ZNF142: variants seen among roughly 807,000 people sequenced by gnomAD.
The protein encoded by ZNF142 is zinc finger protein 142 (clone pHZ-49).
Under a neutral mutation model 132.1 loss-of-function variants are expected in ZNF142, and 96 were observed. The ratio of observed to expected loss-of-function variants is 0.73; its 90% CI spans 0.62 to 0.86. The LOEUF (loss-of-function observed/expected upper bound fraction) is 0.86, where lower values mean the gene tolerates loss of function less well. ZNF142 is among the 40% of genes least tolerant of loss of function. The pLI is 0.00. For missense variants in ZNF142, 2,163 were observed against 2,336.2 expected (o/e 0.93, Z 1.53); for synonymous variants, 842 against 890.1 (o/e 0.95, Z 0.96).
Position 218,633,419 on chromosome 2 carries a change from T to A in ZNF142, c.*4920A>T, listed in dbSNP as rs1225038093. 1.3e-6 allele frequency: 1 copy of A among 742,682 alleles called. No homozygotes were observed. Among genetic ancestry groups the A allele is most frequent in the Non-Finnish European group, 2.4e-6 (1 of 419,914 alleles). The allele number at this position is 742,682 out of a possible 1,614,324, so 46.0% of individuals were successfully genotyped here. ...GTGCCCGCTGTTTTGTCCGTCTATC[T>A]GTTGTCAGATTGTGGCCCAGGCTCC... On this transcript the variant is annotated 3_prime_UTR_variant, in exon 11 of 11. Coordinates refer to ENST00000411696, the MANE Select transcript of ZNF142 (RefSeq NM_001379659.1).
Position 218,636,150 on chromosome 2 carries a change from T to C in ZNF142, c.*2189A>G, listed in dbSNP as rs1262350033. ...TTTTTCCTTACCTGTAAAATGCTGA[T>C]TGCCATCTAGATTAAATGAGAACAC... On this transcript the variant is annotated 3_prime_UTR_variant, in exon 11 of 11. Coordinates refer to ENST00000411696, the MANE Select transcript of ZNF142 (RefSeq NM_001379659.1). 9 of 1,436,900 alleles carry C rather than the reference T, an allele frequency of 6.3e-6. No individual in the cohort carries two copies. Among genetic ancestry groups the C allele is most frequent in the African/African-American group, 2.8e-5 (2 of 71,044 alleles). The allele number at this position is 1,436,900 out of a possible 1,614,324, so 89.0% of individuals were successfully genotyped here. A position where few individuals can be genotyped will look rare whatever the true frequency, so the allele number is the denominator to read the frequency against.
chr2:218,643,646 G>C lies in ZNF142; in HGVS notation c.3470C>G (p.Ala1157Gly), dbSNP rs1559292026. 2 of 1,550,846 alleles carry C rather than the reference G, an allele frequency of 1.3e-6. No homozygotes were observed. Among genetic ancestry groups the C allele is most frequent in the South Asian group, 2.5e-5 (2 of 79,618 alleles). ...REPEETEEPL[A>G]TVSGSPVPPA... Reference sequence around the variant, plus strand: ...AGGGACTGGGGAACCAGAGACTGTGGCAAGAGGCTCTTCTGTTTCTTCTGG... The same window carrying C: ...AGGGACTGGGGAACCAGAGACTGTGCCAAGAGGCTCTTCTGTTTCTTCTGG... Residue 1157 changes from alanine to glycine, a missense_variant, in exon 9 of 11, where the codon GCC becomes GGC. Physicochemically the swap from Ala to Gly is moderately conservative, Grantham distance 60. This residue lies in a region of ZNF142 where 809 missense variants were observed against 801.7 expected (regional missense o/e 1.01). Coordinates refer to ENST00000411696, the MANE Select transcript of ZNF142 (RefSeq NM_001379659.1).
intron 6 of ZNF142, 103 bp from the exon 7 acceptor site, chr2:218,649,562 C>T (rs1937789638): frequency 2.6e-6 from 3 of 1,135,208 alleles, no homozygotes; most frequent in Non-Finnish European, 3.7e-6. Flanking sequence ...TGTGTGGCCT[C>T]TCTGCAGGAA....
chr2:218,643,476 C>G lies in ZNF142; in HGVS notation c.3640G>C (p.Glu1214Gln). Reference sequence around the variant, plus strand: ...TCAAAGCGGTGCTTCTTCAGGGCCTCTGTGGGTGAGGAGTTTCCTGCAGGA... The same window carrying G: ...TCAAAGCGGTGCTTCTTCAGGGCCTGTGTGGGTGAGGAGTTTCCTGCAGGA... Reference protein sequence around the residue: ...VPPAGNSSPTEALKKHRFEQG... With the variant: ...VPPAGNSSPTQALKKHRFEQG... The change falls in exon 9 of 11, where the codon GAG becomes CAG. Residue 1214 changes from glutamate (E) to glutamine (Q), a missense_variant. Around this residue, in one of 7 missense-constraint regions of ZNF142, gnomAD observed 809 missense variants for 801.7 expected, o/e 1.01. Coordinates refer to ENST00000411696, the MANE Select transcript of ZNF142 (RefSeq NM_001379659.1). 2 of 1,614,182 alleles carry G rather than the reference C, an allele frequency of 1.2e-6. No individual in the cohort carries two copies. The highest frequency in any genetic ancestry group is 1.7e-6 in the Non-Finnish European group (2 of 1,180,026).
chr2:218,643,728 A>C lies in ZNF142; in HGVS notation c.3388T>G (p.Ser1130Ala), dbSNP rs1347143460. The C allele has an allele frequency of 1.9e-6, 3 of 1,606,302 alleles. No individual in the cohort carries two copies. The highest frequency in any genetic ancestry group is 2.5e-6 in the Non-Finnish European group (3 of 1,176,886). ...DTESGKPPPA[S>A]QEAELLLPKD... ...GGAAGCAGTAGCTCTGCTTCTTGTG[A>C]TGCAGGTGGGGGCTTCCCACTTTCT... is the stretch of plus-strand genomic sequence containing the variant. Residue 1130 changes from serine (S) to alanine (A), a missense_variant, in exon 9 of 11, where the codon TCA (serine) becomes GCA (alanine). Ser to Ala is a moderately conservative substitution (Grantham distance 99, BLOSUM62 1). Coordinates refer to ENST00000411696, the MANE Select transcript of ZNF142 (RefSeq NM_001379659.1).
Position 218,636,657 on chromosome 2 carries a change from T to G in ZNF142, c.*1682A>C. 7.1e-7 allele frequency: 1 copy of G among 1,415,686 alleles called. No individual in the cohort carries two copies. Among genetic ancestry groups the G allele is most frequent in the Non-Finnish European group, 9.8e-7 (1 of 1,023,216 alleles). 87.7% of individuals were successfully genotyped at this position (1,415,686 alleles called of 1,614,324 possible). A position where few individuals can be genotyped will look rare whatever the true frequency, so the allele number is the denominator to read the frequency against. On this transcript the variant is annotated 3_prime_UTR_variant, in exon 11 of 11. Coordinates refer to ENST00000411696, the MANE Select transcript of ZNF142 (RefSeq NM_001379659.1). ...CTGGAAGGATGCTCGAGAGAACAAA[T>G]GGAGGTGGTGAAAATCAAGCTTTGG...
chr2:218,655,504 G>A (rs1454276267), intron 4 of ZNF142, among the ~76,000 whole-genome samples: 1 of 152,000 alleles, frequency 6.6e-6, no homozygotes, highest in Non-Finnish European at 1.5e-5. Flanking sequence ...AAGAGATGGG[G>A]GTCTCACTAT....
At chr2:218,650,663 T>C (rs1937898157) in intron 5 of ZNF142, 137 bp from the exon 6 acceptor site, 1 of 841,740 alleles carries the variant, frequency 1.2e-6, no homozygotes, top group Non-Finnish European at 1.7e-6. Context: ...TATGTATAAA[T>C]GTATTTCCAC....
chr2:218,656,044 A>G (rs1365914770), intron 4 of ZNF142, 106 bp downstream of exon 4: 5 of 1,313,970 alleles, frequency 3.8e-6, no homozygotes, highest in Non-Finnish European at 5.0e-6. Context: ...GTATAAAAAT[A>G]GGATGCTACC....
In ZNF142 at chr2:218,634,708, C is replaced by T. The variant is rs1463834654; in HGVS notation, c.*3631G>A. On this transcript the variant is annotated 3_prime_UTR_variant, in exon 11 of 11. Coordinates refer to ENST00000411696, the MANE Select transcript of ZNF142 (RefSeq NM_001379659.1). The surrounding 1 kb of genome is among the most constrained non-coding windows in gnomAD (Gnocchi z 4.0). ...GAGGGAAGAGGTGGCTAGGCCTGAC[C>T]GGAATGTAGAGGCCGGATAGCCTAT... 44 of 1,499,524 alleles carry T rather than the reference C, an allele frequency of 2.9e-5. No homozygotes were observed. The South Asian group carries it at 3.4e-4, about 11-fold the overall frequency. The allele number at this position is 1,499,524 out of a possible 1,614,324, so 92.9% of individuals were successfully genotyped here.
At position 218,635,871 on chromosome 2, in the gene ZNF142, C is replaced by A. The variant is rs780153804; in HGVS notation, c.*2468G>T. On this transcript the variant is annotated 3_prime_UTR_variant, in exon 11 of 11. Coordinates refer to ENST00000411696, the MANE Select transcript of ZNF142 (RefSeq NM_001379659.1). The stretch of plus-strand genomic sequence containing the variant: ...CATTGTGGATCCACTGGTGAAAGTG[C>A]AGATCTTTGGCGTTCGTCTAGACAC... 1.2e-6 allele frequency: 2 copies of A among 1,613,880 alleles called. No individual in the cohort carries two copies. The highest frequency in any genetic ancestry group is 1.7e-6 in the Non-Finnish European group (2 of 1,179,872).
chr2:218,636,315 T>G lies in ZNF142; in HGVS notation c.*2024A>C. ...CCTGAACTTGCCATGCTGCGTTTTG[T>G]GGTAATGGATTATGACTGGAAATCC... On this transcript the variant is annotated 3_prime_UTR_variant, in exon 11 of 11. Transcript: ENST00000411696. 1.2e-6 allele frequency: 2 copies of G among 1,614,030 alleles called. No individual in the cohort carries two copies. The highest frequency in any genetic ancestry group is 1.7e-6 in the Non-Finnish European group (2 of 1,179,894).
chr2:218,636,274 T>C lies in ZNF142; in HGVS notation c.*2065A>G, dbSNP rs1352578999. 6.2e-7 allele frequency: 1 copy of C among 1,614,026 alleles called. No individual in the cohort carries two copies. The highest frequency in any genetic ancestry group is 8.5e-7 in the Non-Finnish European group (1 of 1,179,882). Reference sequence around the variant, plus strand: ...ATCCATACTGGGGGCAGACACTATGTTTCCGGGTGCTGGTGCCTGAACTTG... The same window carrying C: ...ATCCATACTGGGGGCAGACACTATGCTTCCGGGTGCTGGTGCCTGAACTTG... On this transcript the variant is annotated 3_prime_UTR_variant, in exon 11 of 11. Coordinates refer to ENST00000411696, the MANE Select transcript of ZNF142 (RefSeq NM_001379659.1).
Position 218,644,469 on chromosome 2 carries a change from G to T in ZNF142, c.2647C>A (p.Pro883Thr), listed in dbSNP as rs1222564646. ...CCCTCCTCCACCTCTGCTGGGCTGG[G>T]ACTGCCACCCAGGTCACCCCCATGG... is the stretch of plus-strand genomic sequence containing the variant. The part of the protein sequence containing the change: ...APHGGDLGGS[P>T]SPAEVEEGSC... The change falls in exon 9 of 11, where the codon CCC becomes ACC. Residue 883 changes from proline (P) to threonine (T), a missense_variant. Coordinates refer to ENST00000411696, the MANE Select transcript of ZNF142 (RefSeq NM_001379659.1). The surrounding 1 kb of genome is among the most constrained non-coding windows in gnomAD (Gnocchi z 4.6). 1 of 1,613,994 alleles carries T rather than the reference G, an allele frequency of 6.2e-7. No homozygotes were observed. Among genetic ancestry groups the T allele is most frequent in the Admixed American group, 1.7e-5 (1 of 60,016 alleles).
In ZNF142 at chr2:218,642,456, G is replaced by A. The variant is rs755369541; in HGVS notation, c.4660C>T (p.Leu1554Phe). 4 of 1,612,024 alleles carry A rather than the reference G, an allele frequency of 2.5e-6. No individual in the cohort carries two copies. Among genetic ancestry groups the A allele is most frequent in the Middle Eastern group, 1.6e-4 (1 of 6,076 alleles). The change falls in exon 9 of 11, where the codon CTT (leucine) becomes TTT (phenylalanine). Residue 1554 changes from leucine to phenylalanine, a missense_variant. Leu to Phe is a conservative substitution (Grantham distance 22). Around this residue, in one of 7 missense-constraint regions of ZNF142, gnomAD observed 809 missense variants for 801.7 expected, o/e 1.01. Coordinates refer to ENST00000411696, the MANE Select transcript of ZNF142 (RefSeq NM_001379659.1). The surrounding 1 kb of genome is among the most constrained non-coding windows in gnomAD (Gnocchi z 4.6). ...GCCTCCTGGCAGGCCCCACACTCAAGCCGTGGGTGCTGTTTACGGGTGTGT... is the reference window on the plus strand; with the variant it reads ...GCCTCCTGGCAGGCCCCACACTCAAACCGTGGGTGCTGTTTACGGGTGTGT... ...RGHTRKQHPR[L>F]ECGACQEAFP...
At position 218,643,854 on chromosome 2, in the gene ZNF142, T is replaced by C. The variant is rs1358102407; in HGVS notation, c.3262A>G (p.Lys1088Glu). The C allele has an allele frequency of 2.5e-6, 4 of 1,614,096 alleles. No individual in the cohort carries two copies. The highest frequency in any genetic ancestry group is 3.4e-6 in the Non-Finnish European group (4 of 1,180,004). Residue 1088 changes from lysine to glutamate, a missense_variant, in exon 9 of 11, where the codon AAG becomes GAG. This residue lies in a region of ZNF142 where 809 missense variants were observed against 801.7 expected (regional missense o/e 1.01). Coordinates refer to ENST00000411696, the MANE Select transcript of ZNF142 (RefSeq NM_001379659.1). ...QRGLSTHLLK[K>E]CPVLLRKNKG... ...TTCTTTCTGAGTAGAACAGGGCACT[T>C]CTTCAGCAGGTGGGTGCTGAGGCCG...
rs369131130 is a variant in ZNF142 at position 218,636,279 on chromosome 2, G to A, written c.*2060C>T. 1.7e-5 allele frequency: 28 copies of A among 1,613,846 alleles called. No homozygotes were observed. In the Middle Eastern group the frequency reaches 4.9e-4, roughly 28 times the overall value. ...TACTGGGGGCAGACACTATGTTTCC[G>A]GGTGCTGGTGCCTGAACTTGCCATG... On this transcript the variant is annotated 3_prime_UTR_variant, in exon 11 of 11. Transcript: ENST00000411696.
rs752350380 is a variant in ZNF142 at position 218,635,902 on chromosome 2, G to A, written c.*2437C>T. 1.4e-5 allele frequency: 23 copies of A among 1,613,858 alleles called. No homozygotes were observed. The highest frequency in any genetic ancestry group is 2.2e-5 in the East Asian group (1 of 44,884). On this transcript the variant is annotated 3_prime_UTR_variant, in exon 11 of 11. Transcript: ENST00000411696. ...TTTGGCGTTCGTCTAGACACAGCAC[G>A]GCAGGAGACCAACTATGTGGAGAAC...
chr2:218,641,957 A>C, intron 9 of ZNF142, 71 bp downstream of exon 9: 11 of 1,537,686 alleles, frequency 7.2e-6, no homozygotes, highest in African/African-American at 1.4e-5. Flanking sequence ...AGTCAGCTAT[A>C]GAGAACCAAG....
Sources: allele counts gnomAD v4.1 joint callset (sites outside exome capture counted in the v4.1 genomes callset), GRCh38; gene constraint gnomAD v4.1.1; regional missense constraint gnomAD v4.1.1; non-coding constraint Gnocchi (gnomAD v3.1); transcripts MANE v1.5; gene names NCBI Gene and HGNC (gene_info 2026-07-23, HGNC 2026-07-21).